The following NRXN3 variants were observed in gnomAD, a reference collection of about 807,000 sequenced individuals.
The protein encoded by NRXN3 is neurexin III.
In NRXN3, 32 loss-of-function variants were observed where a neutral mutation model predicts 137.6. The ratio of observed to expected loss-of-function variants is 0.23; its 90% CI spans 0.18 to 0.31. The LOEUF is 0.31. Among genes scored for constraint, NRXN3 ranks in the 10% least tolerant of loss-of-function variants. The pLI is 1.00. For missense variants in NRXN3, 1,574 were observed against 2,062.5 expected (o/e 0.76, Z 4.59); for synonymous variants, 798 against 784.5 (o/e 1.02, Z -0.29).
chr14:79,793,715 A>G (rs991907891), intron 19 of NRXN3, among the ~76,000 whole-genome samples: 4 of 152,142 alleles, frequency 2.6e-5, no homozygotes, highest in Non-Finnish European at 5.9e-5. Flanking sequence ...TCTATTTGTT[A>G]TGTTTTTTAT....
At chr14:78,998,762 C>CTTTTT (rs1237108042) in intron 15 of NRXN3, among the ~76,000 whole-genome samples, 1 of 119,804 alleles carries the variant, frequency 8.3e-6, no homozygotes, top group African/African-American at 3.2e-5. Context: ...CCATGCCCAG[C>CTTTTT]TTTTTTTTTT....
chr14:79,713,357 GAGCTA>G lies in NRXN3; in HGVS notation c.4014+15426_4014+15430del, dbSNP rs1222391067. Among the ~76,000 whole-genome samples the G allele has an allele frequency of 3.7e-4, 55 of 149,098 alleles. No individual in the cohort carries two copies. In the Middle Eastern group the frequency reaches 0.014, roughly 38 times the overall value. On this transcript the variant is annotated intron_variant, in intron 19 of 20. Transcript: ENST00000335750. ...CATCCTGACTTTGGTATGATTTGAT[GAGCTA>G]AGCTATTACTAAACTATAACACACA...
chr14:79,720,166 A>G (rs2098839403), intron 19 of NRXN3, among the ~76,000 whole-genome samples: 1 of 152,034 alleles, frequency 6.6e-6, no homozygotes, highest in Non-Finnish European at 1.5e-5. Context: ...GGCAAAGGGG[A>G]AGAAAGACAC....
intron 4 of NRXN3, among the ~76,000 whole-genome samples, chr14:78,364,362 C>T (rs1276380443): frequency 1.3e-5 from 2 of 152,152 alleles, no homozygotes; most frequent in African/African-American, 4.8e-5. Flanking sequence ...GGACTTCAAA[C>T]TTCAAGAGTA....
intron 19 of NRXN3, among the ~76,000 whole-genome samples, chr14:79,723,633 A>G (rs17764518): frequency 0.13 from 20,411 of 152,160 alleles, 1,521 homozygotes; most frequent in Middle Eastern, 0.22. Flanking sequence ...AATTTCAGAC[A>G]CAGCAATGAA....
Position 79,805,177 on chromosome 14 carries a change from T to G in NRXN3, c.4080T>G (p.Cys1360Trp). 1 of 1,613,774 alleles carries G rather than the reference T, an allele frequency of 6.2e-7. No homozygotes were observed. Among genetic ancestry groups the G allele is most frequent in the Non-Finnish European group, 8.5e-7 (1 of 1,179,742 alleles). Reference sequence around the variant, plus strand: ...GTGATGATGAAGACTTTGTTGAATGTGAGCCGAGTACAGGTAGGTCAGGTC... The same window carrying G: ...GTGATGATGAAGACTTTGTTGAATGGGAGCCGAGTACAGGTAGGTCAGGTC... ...CSSDDEDFVE[C>W]EPSTDKSLST... Residue 1360 changes from cysteine to tryptophan, a missense_variant, in exon 20 of 21, where the codon TGT becomes TGG. This residue lies in a region of NRXN3 where 320 missense variants were observed against 387.1 expected (regional missense o/e 0.83). Transcript: ENST00000335750.
chr14:78,523,816 C>CAAAAAAAAAAAAAAA lies in NRXN3; in HGVS notation c.758-121289_758-121275dup. ...TGGGTGACAGAGCAAGACTCTGTCT[C>CAAAAAAAAAAAAAAA]AAAAAAAAAAAAAAAAAAAAAAAAA... On this transcript the variant is annotated intron_variant, in intron 4 of 20. Coordinates refer to ENST00000335750, the MANE Select transcript of NRXN3 (RefSeq NM_001330195.2). Among the ~76,000 whole-genome samples the CAAAAAAAAAAAAAAA allele has an allele frequency of 1.0e-3, 63 of 61,564 alleles. 2 individuals carry two copies. The highest frequency in any genetic ancestry group is 0.015 in the Middle Eastern group (1 of 68). The allele number at this position is 61,564 out of a possible 152,430, so 40.4% of individuals were successfully genotyped here. A position where few individuals can be genotyped will look rare whatever the true frequency, so the allele number is the denominator to read the frequency against.
intron 10 of NRXN3, among the ~76,000 whole-genome samples, chr14:78,835,224 C>T (rs2098993161): frequency 6.6e-6 from 1 of 152,096 alleles, no homozygotes; most frequent in Non-Finnish European, 1.5e-5. Flanking sequence ...TAAGATGGTT[C>T]CAAAAATAGC....
intron 15 of NRXN3, among the ~76,000 whole-genome samples, chr14:79,272,060 T>C (rs1316649417): frequency 2.0e-5 from 3 of 152,180 alleles, no homozygotes; most frequent in Non-Finnish European, 4.4e-5. Flanking sequence ...TGAATCCTTC[T>C]TGATGGTCCC....
At chr14:78,388,220 G>A (rs1317282408) in intron 4 of NRXN3, among the ~76,000 whole-genome samples, 1 of 152,108 alleles carries the variant, frequency 6.6e-6, no homozygotes, top group African/African-American at 2.4e-5. Context: ...AAGTGATTGA[G>A]CCAAAACTGA....
At chr14:79,336,479 G>C (rs893961394) in intron 15 of NRXN3, among the ~76,000 whole-genome samples, 2 of 152,160 alleles carry the variant, frequency 1.3e-5, no homozygotes, top group Non-Finnish European at 2.9e-5. Context: ...TGATGGTGAC[G>C]ACAAGGAGAA....
chr14:79,469,443 C>T (rs1349858919), intron 16 of NRXN3, among the ~76,000 whole-genome samples: 1 of 152,166 alleles, frequency 6.6e-6, no homozygotes, highest in Non-Finnish European at 1.5e-5. Flanking sequence ...ATACTCTAAA[C>T]ATACTTTGAG....
chr14:78,988,575 T>C (rs558894167), intron 15 of NRXN3, among the ~76,000 whole-genome samples: 1 of 152,322 alleles, frequency 6.6e-6, no homozygotes, highest in Non-Finnish European at 1.5e-5. Flanking sequence ...AGCTGTTTTC[T>C]CAAAAAGTTT....
At chr14:79,168,875 A>C (rs572546786) in intron 15 of NRXN3, among the ~76,000 whole-genome samples, 3 of 152,208 alleles carry the variant, frequency 2.0e-5, no homozygotes, top group African/African-American at 7.2e-5. Flanking sequence ...TGTGCTACTA[A>C]GTGCATTACT....
chr14:79,226,911 G>A (rs893943305), intron 15 of NRXN3, among the ~76,000 whole-genome samples: 4 of 145,910 alleles, frequency 2.7e-5, no homozygotes, highest in Non-Finnish European at 5.9e-5. Context: ...CAACTCCCAG[G>A]TTCAAGCAAT....
At chr14:78,978,800 T>C (rs1338615445) in intron 14 of NRXN3, among the ~76,000 whole-genome samples, 1 of 149,444 alleles carries the variant, frequency 6.7e-6, no homozygotes, top group African/African-American at 2.4e-5. Context: ...TATACATATG[T>C]ATAAAAATAG....
chr14:78,969,557 A>T (rs896417533), intron 14 of NRXN3, among the ~76,000 whole-genome samples: 1 of 152,076 alleles, frequency 6.6e-6, no homozygotes, highest in African/African-American at 2.4e-5. Flanking sequence ...TTCTGTGTTC[A>T]ACTTCATGTA....
chr14:78,693,312 C>CACT (rs1437448172), intron 6 of NRXN3, among the ~76,000 whole-genome samples: 1 of 151,822 alleles, frequency 6.6e-6, no homozygotes, highest in Admixed American at 6.6e-5. Context: ...TCATCATTAC[C>CACT]ACTACTGCTG....
intron 2 of NRXN3, among the ~76,000 whole-genome samples, chr14:78,277,879 G>C (rs1376161181): frequency 6.6e-6 from 1 of 152,174 alleles, no homozygotes; most frequent in Non-Finnish European, 1.5e-5. Context: ...GTCTAGGGTT[G>C]GGTGTTTATT....
Sources: gnomAD v4.1 joint callset for allele counts (sites outside exome capture counted in the v4.1 genomes callset) on GRCh38, gnomAD v4.1.1 for gene constraint, gnomAD v4.1.1 regional missense constraint, MANE v1.5 for transcripts, NCBI Gene and HGNC (gene_info 2026-07-23, HGNC 2026-07-21) for gene names.